BCL7C: variants seen among roughly 807,000 people sequenced by gnomAD.
BCL7C encodes the protein B-cell CLL/lymphoma 7 protein family member C.
In BCL7C, 8 loss-of-function variants were observed where a neutral mutation model predicts 26.2. The ratio of observed to expected loss-of-function variants is 0.30; its 90% confidence interval spans 0.18 to 0.55. The LOEUF (loss-of-function observed/expected upper bound fraction) is 0.55. Ranked by LOEUF, BCL7C falls within the 20% of genes least tolerant of loss-of-function variation. The pLI is 0.93. For missense variants in BCL7C, 262 were observed against 298.5 expected, an observed-to-expected ratio of 0.88 and a Z score of 0.90; for synonymous variants, 90 against 116.5, an observed-to-expected ratio of 0.77 and a Z score of 1.47.
chr16:30,884,478 T>A (rs1173837412), downstream of BCL7C, among the ~76,000 whole-genome samples: 1 of 147,240 alleles, frequency 6.8e-6, no homozygotes, highest in Non-Finnish European at 1.5e-5. Context: ...CACTATTATC[T>A]CCTATCTCCA....
chr16:30,883,211 A>C (rs2055069323), downstream of BCL7C, among the ~76,000 whole-genome samples: 1 of 152,136 alleles, frequency 6.6e-6, no homozygotes, highest in Non-Finnish European at 1.5e-5. Context: ...AGTGAGCCCC[A>C]GAGGTGGGGC....
chr16:30,842,667 C>T (rs1475057813), intron 5 of BCL7C, among the ~76,000 whole-genome samples: 1 of 152,212 alleles, frequency 6.6e-6, no homozygotes, highest in Non-Finnish European at 1.5e-5. Context: ...TTCCCGGGTT[C>T]ATGCCATTCT....
In BCL7C at chr16:30,893,759, A is replaced by G. The variant is rs968505794; in HGVS notation, c.92+94T>C. ...AAGCTAGTGGGTGGAGATACACCGA[A>G]CACCCGGGGCCCAGAGCTGGCGAGG... On this transcript the variant is annotated intron_variant, in intron 1 of 5. Coordinates refer to ENST00000215115, the MANE Select transcript of BCL7C (RefSeq NM_004765.4). The surrounding 1 kb of genome is among the most constrained non-coding windows in gnomAD (Gnocchi z 5.2). 1 of 1,121,788 alleles carries G rather than the reference A, an allele frequency of 8.9e-7. No homozygotes were observed. The highest frequency in any genetic ancestry group is 1.8e-5 in the Admixed American group (1 of 55,592). The allele number at this position is 1,121,788 out of a possible 1,614,324, so 69.5% of individuals were successfully genotyped here. A position where few individuals can be genotyped will look rare whatever the true frequency, so the allele number is the denominator to read the frequency against.
intron 5 of BCL7C, among the ~76,000 whole-genome samples, chr16:30,861,860 T>TTA (rs1436977126): frequency 1.5e-5 from 1 of 66,026 alleles, no homozygotes; most frequent in Non-Finnish European, 3.2e-5. Context: ...CAACATGCTT[T>TTA]TTTTTTTTTT....
chr16:30,884,721 C>T (rs1043541851), downstream of BCL7C, among the ~76,000 whole-genome samples: 10 of 152,182 alleles, frequency 6.6e-5, no homozygotes, highest in Admixed American at 2.0e-4. Context: ...CAGTTTTGAA[C>T]TCCTGACCTC....
At chr16:30,858,289 T>C (rs1275947408) in intron 5 of BCL7C, among the ~76,000 whole-genome samples, 4 of 152,284 alleles carry the variant, frequency 2.6e-5, no homozygotes, top group East Asian at 1.9e-4. Flanking sequence ...AGCTCCTTGA[T>C]TGAAGGAGAT....
intron 5 of BCL7C, among the ~76,000 whole-genome samples, chr16:30,842,195 A>G (rs2054606948): frequency 6.6e-6 from 1 of 152,130 alleles, no homozygotes; most frequent in Admixed American, 6.6e-5. Context: ...ACAGACATAT[A>G]CAAAGTGAAG....
chr16:30,851,934 T>C (rs2054678478), intron 5 of BCL7C: 1 of 182,686 alleles, frequency 5.5e-6, no homozygotes, highest in Admixed American at 5.9e-5. Context: ...AAATGACGAT[T>C]TTTTTAATTT....
chr16:30,890,724 G>A (rs373050760), intron 4 of BCL7C, among the ~76,000 whole-genome samples: 1 of 151,604 alleles, frequency 6.6e-6, no homozygotes, highest in Non-Finnish European at 1.5e-5. Context: ...GGTGGCTCAC[G>A]CCTGTAATCC....
intron 5 of BCL7C, chr16:30,875,816 C>T (rs1285329197): frequency 6.6e-6 from 1 of 152,198 alleles, no homozygotes; most frequent in Non-Finnish European, 1.5e-5. Context: ...TAAGGCCATC[C>T]TCTGCACTTG....
rs1158770408 is a variant in BCL7C at position 30,893,443 on chromosome 16, A to T, written c.93-153T>A. 6.6e-6 allele frequency among the ~76,000 whole-genome samples: 1 copy of T among 152,092 alleles called. No individual in the cohort carries two copies. Among genetic ancestry groups the T allele is most frequent in the African/African-American group, 2.4e-5 (1 of 41,398 alleles). On this transcript the variant is annotated intron_variant, in intron 1 of 5. Coordinates refer to ENST00000215115, the MANE Select transcript of BCL7C (RefSeq NM_004765.4). This position sits in a 1 kb window ranked among gnomAD's most constrained non-coding sequence, Gnocchi z 5.2. ...GGGGCATAGTTACATGGAGGAAGAG[A>T]GTCCTGCAAACCCCAGGGCATAGGC...
intron 5 of BCL7C, among the ~76,000 whole-genome samples, chr16:30,878,230 T>C (rs1236698455): frequency 2.0e-5 from 3 of 151,264 alleles, no homozygotes; most frequent in Non-Finnish European, 4.4e-5. Flanking sequence ...ATGATACCAA[T>C]GTAAAATGTC....
intron 5 of BCL7C, among the ~76,000 whole-genome samples, chr16:30,871,434 T>C (rs1366998803): frequency 6.6e-6 from 1 of 152,132 alleles, no homozygotes; most frequent in Non-Finnish European, 1.5e-5. Context: ...GTTATTGAAA[T>C]GATTTTGTAA....
chr16:30,874,088 C>T (rs1000208268), intron 5 of BCL7C, among the ~76,000 whole-genome samples: 1 of 150,178 alleles, frequency 6.7e-6, no homozygotes, highest in Non-Finnish European at 1.5e-5. Context: ...CTCTGCCTCC[C>T]GGGTTCAAGG....
chr16:30,870,465 G>C (rs551472740), intron 5 of BCL7C, among the ~76,000 whole-genome samples: 1 of 152,164 alleles, frequency 6.6e-6, no homozygotes, highest in East Asian at 1.9e-4. Context: ...AGGAGTTTGA[G>C]ACCAGTGTGG....
Position 30,893,422 on chromosome 16 carries a change from C to T in BCL7C, c.93-132G>A. On this transcript the variant is annotated intron_variant, in intron 1 of 5. Coordinates refer to ENST00000215115, the MANE Select transcript of BCL7C (RefSeq NM_004765.4). The surrounding 1 kb of genome is among the most constrained non-coding windows in gnomAD (Gnocchi z 5.2). ...GATAGCAACAGTTTTGCTAATGGGG[C>T]ATAGTTACATGGAGGAAGAGAGTCC... 1.5e-6 allele frequency: 1 copy of T among 650,332 alleles called. No homozygotes were observed. Among genetic ancestry groups the T allele is most frequent in the South Asian group, 1.9e-5 (1 of 52,700 alleles). 40.3% of individuals were successfully genotyped at this position (650,332 alleles called of 1,614,324 possible).
chr16:30,866,839 A>C (rs1043633081), intron 5 of BCL7C, among the ~76,000 whole-genome samples: 3 of 152,144 alleles, frequency 2.0e-5, no homozygotes, highest in African/African-American at 7.2e-5. Flanking sequence ...GGATTATATA[A>C]GGCCAAGAGT....
At chr16:30,844,021 G>A (rs1472543423) in intron 5 of BCL7C, among the ~76,000 whole-genome samples, 4 of 118,308 alleles carry the variant, frequency 3.4e-5, no homozygotes, top group South Asian at 5.9e-4. Flanking sequence ...CAGCTTTGGC[G>A]ACAAAGCGAG....
intron 5 of BCL7C, among the ~76,000 whole-genome samples, chr16:30,862,016 A>C (rs919095051): frequency 6.6e-6 from 1 of 151,796 alleles, no homozygotes; most frequent in African/African-American, 2.4e-5. Context: ...GGCACTGGCT[A>C]ATTTTTTGTA....
Sources: gnomAD v4.1 joint callset for allele counts (sites outside exome capture counted in the v4.1 genomes callset) on GRCh38, gnomAD v4.1.1 for gene constraint, Gnocchi (gnomAD v3.1) non-coding constraint, MANE v1.5 for transcripts, NCBI Gene and HGNC (gene_info 2026-07-23, HGNC 2026-07-21) for gene names.